The following FAM13B variants were observed in gnomAD, a reference collection of about 807,000 sequenced individuals.
FAM13B encodes the protein family with sequence similarity 13 member B.
FAM13B carries 60 observed loss-of-function variants against 117.3 expected under a neutral mutation model. The ratio of observed to expected loss-of-function variants is 0.51; its 90% CI spans 0.42 to 0.63. FAM13B has a LOEUF of 0.63. FAM13B is among the 30% of genes least tolerant of loss of function. FAM13B has a pLI of 0.00. For synonymous variants in FAM13B, 332 were observed against 356.1 expected (o/e 0.93, Z 0.76); for missense variants, 972 against 1,091.9 (o/e 0.89, Z 1.55).
intron 2 of FAM13B, 66 bp from the exon 3 acceptor site, chr5:138,019,212 T>C: frequency 1.4e-6 from 2 of 1,423,614 alleles, no homozygotes; most frequent in Non-Finnish European, 1.9e-6. Flanking sequence ...ACTAGATACA[T>C]TAAAGAAAAA....
chr5:138,005,127 C>T (rs1041276667), intron 7 of FAM13B, among the ~76,000 whole-genome samples: 1 of 152,246 alleles, frequency 6.6e-6, no homozygotes, highest in South Asian at 2.1e-4. Context: ...GTCTCAGCTA[C>T]TTGGGAAGCT....
intron 7 of FAM13B, among the ~76,000 whole-genome samples, chr5:137,993,355 C>A (rs554237623): frequency 6.6e-6 from 1 of 152,090 alleles, no homozygotes; most frequent in African/African-American, 2.4e-5. Flanking sequence ...AGGCCAGCCA[C>A]GGCAGCTCAT....
At chr5:138,051,674 G>A (rs1791804376) in intron 1 of FAM13B, among the ~76,000 whole-genome samples, 1 of 151,744 alleles carries the variant, frequency 6.6e-6, no homozygotes, top group East Asian at 2.0e-4. Context: ...GCATCTGACT[G>A]TGCTGGTCCC....
intron 10 of FAM13B, among the ~76,000 whole-genome samples, chr5:137,966,598 A>T (rs1770040458): frequency 6.6e-6 from 1 of 151,350 alleles, no homozygotes; most frequent in East Asian, 1.9e-4. Context: ...AAAAGACCTG[A>T]ATAAACACCT....
intron 13 of FAM13B, among the ~76,000 whole-genome samples, chr5:137,957,751 A>G (rs1397644821): frequency 6.6e-6 from 1 of 152,094 alleles, no homozygotes; most frequent in Admixed American, 6.6e-5. Context: ...CAAGTAGGGG[A>G]CCTACATAGA....
At chr5:137,965,355 G>A (rs1769385361) in intron 10 of FAM13B, among the ~76,000 whole-genome samples, 1 of 152,130 alleles carries the variant, frequency 6.6e-6, no homozygotes, top group Non-Finnish European at 1.5e-5. Flanking sequence ...GCAGCAGCAG[G>A]AGGAGCAGCA....
chr5:137,988,006 C>T (rs556032319), intron 8 of FAM13B, among the ~76,000 whole-genome samples: 1 of 152,276 alleles, frequency 6.6e-6, no homozygotes, highest in Admixed American at 6.5e-5. Context: ...TATGTAAAGT[C>T]TACTTTTTTA....
At chr5:138,018,034 C>G (rs1785692140) in intron 4 of FAM13B, among the ~76,000 whole-genome samples, 1 of 152,148 alleles carries the variant, frequency 6.6e-6, no homozygotes. Context: ...ATGACCCCTC[C>G]TACTCCTTGT....
chr5:138,039,425 A>G (rs1016573821), intron 1 of FAM13B: 4 of 151,764 alleles, frequency 2.6e-5, no homozygotes, highest in Admixed American at 6.6e-5. Context: ...GAGCCTTCCT[A>G]TCATTTGACC....
intron 1 of FAM13B, among the ~76,000 whole-genome samples, chr5:138,040,474 A>G (rs1021841322): frequency 1.1e-4 from 16 of 152,012 alleles, no homozygotes; most frequent in Non-Finnish European, 1.8e-4. Flanking sequence ...CAGGAGGCTG[A>G]GGCAGGAGAA....
Position 138,021,056 on chromosome 5 carries a change from T to TA in FAM13B, c.-62dup. On this transcript the variant is annotated 5_prime_UTR_variant, in exon 2 of 24. The change abolishes the stop of an existing upstream ORF in the 5' untranslated region. Coordinates refer to ENST00000689681, the MANE Select transcript of FAM13B (RefSeq NM_001385994.1). The stretch of plus-strand genomic sequence containing the variant: ...CTTTCAGTACTTAAATACCTAAGTT[T>TA]AAAAAATGGCTTCTGCACCAGCTAC... 7 of 1,231,602 alleles carry TA rather than the reference T, an allele frequency of 5.7e-6. No homozygotes were observed. Among genetic ancestry groups the TA allele is most frequent in the Non-Finnish European group, 7.1e-6 (7 of 987,896 alleles). 76.3% of individuals were successfully genotyped at this position (1,231,602 alleles called of 1,614,324 possible). A position where few individuals can be genotyped will look rare whatever the true frequency, so the allele number is the denominator to read the frequency against.
At chr5:137,966,488 T>TATATATATATATATAGAGAGAGAGAG (rs1461425784) in intron 10 of FAM13B, among the ~76,000 whole-genome samples, 3 of 29,484 alleles carry the variant, frequency 1.0e-4, no homozygotes, top group African/African-American at 2.5e-4. Flanking sequence ...TATATATATA[T>TATATATATATATATAGAGAGAGAGAG]AGAGAGAGAG....
upstream of FAM13B, chr5:138,034,207 C>T (rs1790837361): frequency 6.6e-6 from 1 of 152,228 alleles, no homozygotes; most frequent in African/African-American, 2.4e-5. Context: ...AGGAACGAGG[C>T]AACTGATTCT....
chr5:137,987,578 T>C lies in FAM13B; in HGVS notation c.929A>G (p.His310Arg). The change falls in exon 9 of 24, where the codon CAC becomes CGC. Residue 310 changes from histidine to arginine, a missense_variant. By Grantham distance (29) the His-to-Arg change is conservative. Transcript: ENST00000689681. Reference protein sequence around the residue: ...ERTIRAAVEQHLFDLQSSIDH... With the variant: ...ERTIRAAVEQRLFDLQSSIDH... ...TATGCTGCTCTGAAGATCAAAAAGG[T>C]GCTGTTCCACAGCTGCTCTAATTGT... 1 of 1,613,206 alleles carries C rather than the reference T, an allele frequency of 6.2e-7. No homozygotes were observed. The highest frequency in any genetic ancestry group is 8.5e-7 in the Non-Finnish European group (1 of 1,179,594).
intron 1 of FAM13B, among the ~76,000 whole-genome samples, chr5:138,041,526 C>A (rs1791500171): frequency 6.6e-6 from 1 of 151,874 alleles, no homozygotes; most frequent in Non-Finnish European, 1.5e-5. Context: ...ATAGGAAGAT[C>A]TTAATTTTAA....
intron 7 of FAM13B, among the ~76,000 whole-genome samples, chr5:137,992,580 G>C (rs1223083398): frequency 1.3e-5 from 2 of 151,948 alleles, no homozygotes; most frequent in Non-Finnish European, 2.9e-5. Context: ...GGCAACGAGA[G>C]CGAAATTCTG....
At chr5:138,016,162 T>C (rs1050568400) in intron 4 of FAM13B, among the ~76,000 whole-genome samples, 3 of 152,158 alleles carry the variant, frequency 2.0e-5, no homozygotes, top group Non-Finnish European at 4.4e-5. Context: ...AACCAGGCCA[T>C]GGCTAAGACT....
At chr5:138,001,814 C>T (rs1337706940) in intron 7 of FAM13B, among the ~76,000 whole-genome samples, 1 of 152,050 alleles carries the variant, frequency 6.6e-6, no homozygotes, top group Non-Finnish European at 1.5e-5. Flanking sequence ...TCTAGTGGCA[C>T]ATCTATCCAT....
rs1467590799 is a variant in FAM13B, at chr5:138,050,669, C to A, written c.-203+1209G>T. ...CAAGACTACAGAAACACCTGTTAAC[C>A]TCTCCCATACTGTCTACTGTCTTCA... On this transcript the variant is annotated intron_variant, in intron 1 of 3. Transcript: ENST00000502471. Among the ~76,000 whole-genome samples the A allele has an allele frequency of 5.3e-5, 8 of 152,222 alleles. 1 individual carries two copies. Among genetic ancestry groups the A allele is most frequent in the Admixed American group, 5.2e-4 (8 of 15,286 alleles).
Sources: allele counts gnomAD v4.1 joint callset (sites outside exome capture counted in the v4.1 genomes callset), GRCh38; gene constraint gnomAD v4.1.1; transcripts MANE v1.5; gene names NCBI Gene and HGNC (gene_info 2026-07-23, HGNC 2026-07-21).